The following CBR4 variants were observed in gnomAD, a reference collection of about 807,000 sequenced individuals.
The protein encoded by CBR4 is carbonyl reductase 4.
A neutral mutation model predicts 21.0 loss-of-function variants in CBR4; 22 were observed. The ratio of observed to expected loss-of-function variants is 1.05; its 90% CI spans 0.75 to 1.50. The LOEUF (loss-of-function observed/expected upper bound fraction) is 1.50, where lower values mean the gene tolerates loss of function less well. CBR4 is among the 40% of genes most tolerant of loss of function. The pLI, the probability that CBR4 is intolerant of heterozygous loss-of-function variation, is 0.00. For synonymous variants in CBR4, 100 were observed against 104.4 expected (o/e 0.96, Z 0.26); for missense variants, 302 against 286.3 (o/e 1.05, Z -0.40).
chr4:168,968,567 T>C (rs1406648889), intron 2 of CBR4, among the ~76,000 whole-genome samples: 4 of 152,200 alleles, frequency 2.6e-5, no homozygotes, highest in African/African-American at 9.6e-5. Context: ...CCACAGGCTG[T>C]GTTCATCTCA....
chr4:168,922,098 TATATACACACACACACACAC>T (rs1006398526), intron 2 of CBR4, among the ~76,000 whole-genome samples: 12 of 107,620 alleles, frequency 1.1e-4, no homozygotes, highest in African/African-American at 3.8e-4. Flanking sequence ...TATATATATA[TATATACACACACACACACAC>T]ACACACACAC....
intron 2 of CBR4, among the ~76,000 whole-genome samples, chr4:168,977,926 A>G: frequency 1.4e-5 from 1 of 73,870 alleles, no homozygotes; most frequent in Non-Finnish European, 3.7e-5. Flanking sequence ...TACCTCTCAC[A>G]TGAGGTAATG....
intron 2 of CBR4, among the ~76,000 whole-genome samples, chr4:168,968,732 C>G (rs1450291518): frequency 6.6e-6 from 1 of 152,236 alleles, no homozygotes; most frequent in African/African-American, 2.4e-5. Context: ...AATCACCACA[C>G]TTCAGCCATT....
intron 2 of CBR4, among the ~76,000 whole-genome samples, chr4:168,965,542 C>T (rs1357936304): frequency 6.6e-6 from 1 of 151,952 alleles, no homozygotes; most frequent in East Asian, 1.9e-4. Context: ...GGTACTGGTA[C>T]CAAAACAGAT....
chr4:168,896,208 CAA>C (rs35567491), intron 2 of CBR4, among the ~76,000 whole-genome samples: 21 of 132,180 alleles, frequency 1.6e-4, no homozygotes, highest in African/African-American at 4.7e-4. Context: ...GACTCCATCT[CAA>C]AAAAAAAAAA....
intron 1 of CBR4, chr4:169,008,895 C>T: frequency 2.3e-6 from 1 of 438,950 alleles, no homozygotes; most frequent in East Asian, 7.0e-5. Flanking sequence ...CCAACCAGCA[C>T]TGAACAGGTG....
chr4:168,947,749 T>A (rs1763431796), intron 2 of CBR4, among the ~76,000 whole-genome samples: 1 of 152,216 alleles, frequency 6.6e-6, no homozygotes, highest in Non-Finnish European at 1.5e-5. Context: ...ACCGTACATA[T>A]ATATCACAGT....
chr4:168,920,157 C>T (rs1761147484), intron 2 of CBR4, among the ~76,000 whole-genome samples: 2 of 152,208 alleles, frequency 1.3e-5, no homozygotes. Flanking sequence ...CTTCTGATGA[C>T]CTCCAAACAG....
intron 2 of CBR4, 49 bp from the exon 3 acceptor site, chr4:169,006,940 C>A (rs1294813452): frequency 4.1e-6 from 6 of 1,465,112 alleles, no homozygotes; most frequent in South Asian, 3.5e-5. Context: ...AGATAAAAAC[C>A]AAAAAGGTCA....
At chr4:168,928,141 C>A in intron 2 of CBR4, 1 of 190,862 alleles carries the variant, frequency 5.2e-6, no homozygotes, top group Non-Finnish European at 1.1e-5. Context: ...TTTCTTTGAC[C>A]GCACTTATAT....
chr4:168,908,564 C>G (rs1166754881), intron 2 of CBR4, among the ~76,000 whole-genome samples: 3 of 152,068 alleles, frequency 2.0e-5, no homozygotes, highest in Non-Finnish European at 4.4e-5. Context: ...GTGTAGTTGA[C>G]AGAAAACTGA....
At chr4:168,917,107 G>A (rs1017586644) in intron 2 of CBR4, among the ~76,000 whole-genome samples, 5 of 146,882 alleles carry the variant, frequency 3.4e-5, no homozygotes, top group African/African-American at 1.3e-4. Context: ...GGAGTGCAGT[G>A]GTGTGATCTC....
At chr4:169,003,504 A>G (rs978039399) in intron 3 of CBR4, among the ~76,000 whole-genome samples, 8 of 152,268 alleles carry the variant, frequency 5.3e-5, no homozygotes, top group African/African-American at 1.9e-4. Context: ...AAGAAATGAC[A>G]AAGGATTTAG....
intron 2 of CBR4, chr4:168,924,449 T>TTAAC (rs1183240192): frequency 6.3e-7 from 1 of 1,590,362 alleles, no homozygotes; most frequent in South Asian, 1.1e-5. Context: ...AACCTGATCC[T>TTAAC]TAACTGTTCA....
chr4:168,962,148 T>A (rs1295752107), intron 2 of CBR4, among the ~76,000 whole-genome samples: 2 of 152,126 alleles, frequency 1.3e-5, no homozygotes, highest in East Asian at 3.8e-4. Context: ...GGAAAACCAT[T>A]TTACTATGTA....
At chr4:168,957,032 T>C (rs1198201003) in intron 2 of CBR4, among the ~76,000 whole-genome samples, 5 of 152,152 alleles carry the variant, frequency 3.3e-5, no homozygotes, top group Non-Finnish European at 5.9e-5. Context: ...AAGCAGTAGG[T>C]ATTAATTTCA....
chr4:168,912,965 T>C (rs1404831288), intron 2 of CBR4, among the ~76,000 whole-genome samples: 1 of 152,150 alleles, frequency 6.6e-6, no homozygotes, highest in Admixed American at 6.5e-5. Context: ...GACCCACATA[T>C]TTTAGGTATT....
intron 2 of CBR4, among the ~76,000 whole-genome samples, chr4:168,955,618 G>A (rs548596923): frequency 2.0e-5 from 3 of 151,904 alleles, no homozygotes; most frequent in Non-Finnish European, 2.9e-5. Flanking sequence ...AAGCAAAGCA[G>A]GATTACTATG....
intron 3 of CBR4, among the ~76,000 whole-genome samples, chr4:169,003,424 T>G (rs906757563): frequency 7.9e-5 from 12 of 152,306 alleles, no homozygotes; most frequent in Admixed American, 4.6e-4. Context: ...GAGTTGCTTC[T>G]TATGTATGGA....
Sources: gnomAD v4.1 joint callset for allele counts (sites outside exome capture counted in the v4.1 genomes callset) on GRCh38, gnomAD v4.1.1 for gene constraint, MANE v1.5 for transcripts, NCBI Gene and HGNC (gene_info 2026-07-23, HGNC 2026-07-21) for gene names.